The following FN1 variants were observed in gnomAD, a reference collection of about 807,000 sequenced individuals.
The protein encoded by FN1 is fibronectin 1, also known as fibronectin.
FN1 carries 106 observed loss-of-function variants against 297.3 expected under a neutral mutation model. The observed-to-expected ratio is 0.36, with a 90% CI of 0.30 to 0.42. The LOEUF (loss-of-function observed/expected upper bound fraction) is 0.42, where lower values mean the gene tolerates loss of function less well. Among genes scored for constraint, FN1 ranks in the 10% least tolerant of loss-of-function variants. The pLI is 1.00. For synonymous variants in FN1, 1,149 were observed against 1,152.6 expected, an observed-to-expected ratio of 1.00 and a Z score of 0.06; for missense variants, 2,690 against 3,124.9, an observed-to-expected ratio of 0.86 and a Z score of 3.32.
chr2:215,401,514 C>G (rs1360144962), intron 20 of FN1, among the ~76,000 whole-genome samples: 1 of 152,152 alleles, frequency 6.6e-6, no homozygotes. Flanking sequence ...TAGCTCTGGT[C>G]ACATGTTTGA....
At chr2:215,431,789 G>C (rs1177481923) in intron 4 of FN1, 44 bp downstream of exon 4, 4 of 1,609,682 alleles carry the variant, frequency 2.5e-6, no homozygotes, top group South Asian at 1.1e-5. Context: ...CCCCACATTA[G>C]AACTAAGCAT....
chr2:215,434,733 T>A lies in FN1; in HGVS notation c.240A>T (p.Gly80=). Residue 80 remains glycine, a synonymous_variant, in exon 2 of 46, where the codon GGA becomes GGT. Transcript: ENST00000354785. ...TCTCGCAGTTAAAACCTCGGCTTCCTCCATAACAAGTACAAACCAACGCAT... is the reference window on the plus strand; with the variant it reads ...TCTCGCAGTTAAAACCTCGGCTTCCACCATAACAAGTACAAACCAACGCAT... ...LGNALVCTCY[G]GSRGFNCESK... is the part of the protein sequence containing the mutation. The A allele has an allele frequency of 6.2e-7, 1 of 1,614,174 alleles. No individual in the cohort carries two copies.
intron 18 of FN1, 147 bp downstream of exon 18, chr2:215,406,980 G>C: frequency 1.4e-6 from 1 of 705,472 alleles, no homozygotes; most frequent in Non-Finnish European, 2.5e-6. Flanking sequence ...AGTTACTTAT[G>C]ACATTTCAGC....
rs549440178 is a variant in FN1, at chr2:215,410,152, C to T, written c.1942-38G>A. ...ATTAACACACACACACACACACACA[C>T]GTGTTTACAAGGATGAACATTTGAA... On this transcript the variant is annotated intron_variant, in intron 13 of 45. Coordinates refer to ENST00000354785, the MANE Select transcript of FN1 (RefSeq NM_212482.4). The T allele has an allele frequency of 1.7e-5, 25 of 1,456,558 alleles. No individual in the cohort carries two copies. In the African/African-American group the frequency reaches 2.0e-4, roughly 11 times the overall value. 90.2% of individuals were successfully genotyped at this position (1,456,558 alleles called of 1,614,324 possible).
chr2:215,404,399 G>C lies in FN1; in HGVS notation c.3243C>G (p.Val1081=). 6.2e-7 allele frequency: 1 copy of C among 1,613,866 alleles called. No homozygotes were observed. The highest frequency in any genetic ancestry group is 1.1e-5 in the South Asian group (1 of 91,062). ...TAATTTTCAGCTTACGTGTGGTAAA[G>C]ACTCCAGTGGCTTTGGGGCTCTCTT... ...GNQESPKATG[V]FTTLQPGSSI... The change falls in exon 20 of 46, where the codon GTC becomes GTG. Residue 1081 remains valine (V), a synonymous_variant. Coordinates refer to ENST00000354785, the MANE Select transcript of FN1 (RefSeq NM_212482.4).
intron 36 of FN1, among the ~76,000 whole-genome samples, chr2:215,376,186 C>T (rs1412151554): frequency 6.6e-6 from 1 of 152,188 alleles, no homozygotes; most frequent in African/African-American, 2.4e-5. Flanking sequence ...AAGATCTATA[C>T]ATCACTGTTT....
At chr2:215,429,009 T>C (rs997247498) in intron 5 of FN1, among the ~76,000 whole-genome samples, 1 of 151,346 alleles carries the variant, frequency 6.6e-6, no homozygotes, top group African/African-American at 2.4e-5. Context: ...GGTGAGACTG[T>C]CTCAAAAACA....
At chr2:215,421,966 A>T in intron 10 of FN1, 125 bp downstream of exon 10, 1 of 913,670 alleles carries the variant, frequency 1.1e-6, no homozygotes, top group Non-Finnish European at 1.8e-6. Flanking sequence ...ACAGTAGACT[A>T]ATGAATGACG....
chr2:215,365,330 A>G (rs1217694763), intron 43 of FN1, among the ~76,000 whole-genome samples, 175 bp downstream of exon 43: 2 of 152,212 alleles, frequency 1.3e-5, no homozygotes, highest in African/African-American at 4.8e-5. Context: ...ACATTAAATC[A>G]TGACTCATTT....
chr2:215,383,585 T>C (rs1404345785), intron 30 of FN1, 102 bp from the exon 31 acceptor site: 3 of 1,168,498 alleles, frequency 2.6e-6, no homozygotes, highest in Non-Finnish European at 3.9e-6. Flanking sequence ...AATGATCGCT[T>C]ACATGAGAAA....
At chr2:215,430,434 T>C (rs1018837790) in intron 5 of FN1, among the ~76,000 whole-genome samples, 19 of 152,240 alleles carry the variant, frequency 1.2e-4, no homozygotes, top group African/African-American at 4.6e-4. Flanking sequence ...GTGCCCTATT[T>C]AAATTTCAAA....
intron 20 of FN1, among the ~76,000 whole-genome samples, chr2:215,401,745 C>T (rs1222468712): frequency 2.6e-5 from 4 of 152,042 alleles, no homozygotes; most frequent in African/African-American, 7.3e-5. Flanking sequence ...GAATCAACAT[C>T]GCAATTCTCG....
In FN1 at chr2:215,433,396, G is replaced by A. The variant is rs781092262; in HGVS notation, c.343C>T (p.Pro115Ser). 1.2e-5 allele frequency: 20 copies of A among 1,613,996 alleles called. No homozygotes were observed. The highest frequency in any genetic ancestry group is 4.2e-6 in the Non-Finnish European group (5 of 1,180,012). The change falls in exon 3 of 46, where the codon CCT becomes TCT. Residue 115 changes from proline to serine, a missense_variant. Around this residue, in one of 3 missense-constraint regions of FN1, gnomAD observed 876 missense variants for 1,058.1 expected, o/e 0.83. Coordinates refer to ENST00000354785, the MANE Select transcript of FN1 (RefSeq NM_212482.4). ...CAGTCCCAGATCATGGAGTCTTTAG[G>A]ACGCTCATAAGTGTCACCCACTCGG... ...TYRVGDTYER[P>S]KDSMIWDCTC...
At position 215,381,099 on chromosome 2, in the gene FN1, G is replaced by T; in HGVS notation, c.5165-19C>A. 6.2e-7 allele frequency: 1 copy of T among 1,613,294 alleles called. No individual in the cohort carries two copies. The highest frequency in any genetic ancestry group is 8.5e-7 in the Non-Finnish European group (1 of 1,179,276). On this transcript the variant is annotated intron_variant, in intron 32 of 45. Coordinates refer to ENST00000354785, the MANE Select transcript of FN1 (RefSeq NM_212482.4). The stretch of plus-strand genomic sequence containing the variant: ...TCAATGTCTGTTAGGCAAATTAATG[G>T]TAAGAGGTTATGTGAAAAGCAAGTT...
intron 44 of FN1, 140 bp from the exon 45 acceptor site, chr2:215,362,219 G>C: frequency 1.4e-6 from 1 of 697,426 alleles, no homozygotes; most frequent in Non-Finnish European, 2.6e-6. Flanking sequence ...AAGCTTTGAT[G>C]ATGATTTCAT....
intron 21 of FN1, 44 bp from the exon 22 acceptor site, chr2:215,397,892 CAGAGGACTG>C: frequency 6.4e-7 from 1 of 1,571,728 alleles, no homozygotes; most frequent in Non-Finnish European, 8.8e-7. Flanking sequence ...CAAATATTTC[CAGAGGACTG>C]TTACTGCTGT....
At chr2:215,405,068 A>G (rs1033509020) in intron 19 of FN1, among the ~76,000 whole-genome samples, 2 of 152,252 alleles carry the variant, frequency 1.3e-5, no homozygotes, top group African/African-American at 4.8e-5. Flanking sequence ...GAAGCTCTCT[A>G]TGGGTCAAAA....
intron 44 of FN1, chr2:215,363,760 T>TTCTA (rs2053983118): frequency 6.6e-6 from 1 of 151,978 alleles, no homozygotes; most frequent in Non-Finnish European, 1.5e-5. Flanking sequence ...ATTCCATTGC[T>TTCTA]TTTGAGTTAC....
chr2:215,373,395 G>T lies in FN1; in HGVS notation c.6174C>A (p.Thr2058=). 1.2e-6 allele frequency: 2 copies of T among 1,612,566 alleles called. No homozygotes were observed. Among genetic ancestry groups the T allele is most frequent in the South Asian group, 2.2e-5 (2 of 91,030 alleles). Residue 2058 remains threonine (T), a synonymous_variant, in exon 39 of 46, where the codon ACC becomes ACA. Transcript: ENST00000354785. The part of the protein sequence containing the change: ...EATITGLEPG[T]EYTIYVIALK... ...GGGCAATGACATAAATTGTATATTC[G>T]GTTCCCGGTTCCAGGCCTGAAGGGA...
Sources: allele counts gnomAD v4.1 joint callset (sites outside exome capture counted in the v4.1 genomes callset), GRCh38; gene constraint gnomAD v4.1.1; regional missense constraint gnomAD v4.1.1; transcripts MANE v1.5; gene names NCBI Gene and HGNC (gene_info 2026-07-23, HGNC 2026-07-21).